Variants in LRIG2 observed in about 807,000 individuals in gnomAD.
The protein encoded by LRIG2 is leucine rich repeats and immunoglobulin like domains 2.
LRIG2 carries 93 observed loss-of-function variants against 107.8 expected under a neutral mutation model. The observed-to-expected ratio is 0.86, with a 90% CI of 0.73 to 1.03. The LOEUF is 1.03. LRIG2 is among the 50% of genes least tolerant of loss of function. LRIG2 has a pLI of 0.00. For synonymous variants in LRIG2, 471 were observed against 470.6 expected (o/e 1.00, Z -0.01); for missense variants, 1,226 against 1,296.0 (o/e 0.95, Z 0.83).
intron 12 of LRIG2, 194 bp downstream of exon 12, chr1:113,107,951 G>A: frequency 1.9e-6 from 1 of 540,358 alleles, no homozygotes; most frequent in Non-Finnish European, 3.2e-6. Flanking sequence ...CTTAGGTTAG[G>A]TATTTGGTAG....
At chr1:113,117,475 G>T (rs12141890) in intron 16 of LRIG2, among the ~76,000 whole-genome samples, 17,391 of 152,060 alleles carry the variant, frequency 0.11, 1,105 homozygotes, top group Admixed American at 0.17. Context: ...GAAAAATATA[G>T]TAGTTCTGAC....
rs746409805 is a variant in LRIG2 at position 113,116,296 on chromosome 1, A to G, written c.2540A>G (p.Asn847Ser). ...AATGTCTCTTTTACAGAGGAGCTCAATCTGCCTGCAGACATTCCCAGCTAC... is the reference window on the plus strand; with the variant it reads ...AATGTCTCTTTTACAGAGGAGCTCAGTCTGCCTGCAGACATTCCCAGCTAC... ...DYSITNTEEL[N>S]LPADIPSYLS... Residue 847 changes from asparagine to serine, a missense_variant, in exon 16 of 18, where the codon AAT becomes AGT. Transcript: ENST00000361127. The G allele has an allele frequency of 5.6e-6, 9 of 1,612,532 alleles. No individual in the cohort carries two copies. Among genetic ancestry groups the G allele is most frequent in the African/African-American group, 5.3e-5 (4 of 74,902 alleles).
chr1:113,114,436 C>T lies in LRIG2; in HGVS notation c.2090C>T (p.Ser697Leu), dbSNP rs911410726. Reference protein sequence around the residue: ...NASLTVLETPSFIRPLEDKTV... With the variant: ...NASLTVLETPLFIRPLEDKTV... Reference sequence around the variant, plus strand: ...AATGTTTTCCTGTTAGAGACACCCTCATTTATTAGACCCCTGGAGGATAAG... The same window carrying T: ...AATGTTTTCCTGTTAGAGACACCCTTATTTATTAGACCCCTGGAGGATAAG... The change falls in exon 15 of 18, where the codon TCA (serine) becomes TTA (leucine). Residue 697 changes from serine (S) to leucine (L), a missense_variant. By Grantham distance (145) the Ser-to-Leu change is moderately radical. Transcript: ENST00000361127. The T allele has an allele frequency of 6.4e-7, 1 of 1,574,162 alleles. No homozygotes were observed. Among genetic ancestry groups the T allele is most frequent in the East Asian group, 2.3e-5 (1 of 44,426 alleles).
intron 1 of LRIG2, among the ~76,000 whole-genome samples, chr1:113,080,765 A>G (rs531979209): frequency 3.3e-5 from 5 of 151,750 alleles, no homozygotes; most frequent in African/African-American, 7.3e-5. Flanking sequence ...GAATCAGGGC[A>G]TTATCTTAGC....
chr1:113,075,136 C>T lies in LRIG2; in HGVS notation c.239+1491C>T, dbSNP rs564702662. Among the ~76,000 whole-genome samples the T allele has an allele frequency of 3.3e-5, 5 of 151,836 alleles. No individual in the cohort carries two copies. In the South Asian group the frequency reaches 8.3e-4, roughly 25 times the overall value. On this transcript the variant is annotated intron_variant, in intron 1 of 17. Transcript: ENST00000361127. ...CTGAGGCAGGAGAATCACTTGAACC[C>T]GGGAGGGCGAGGTTGGAGTGAGCCG... is the stretch of plus-strand genomic sequence containing the variant.
intron 13 of LRIG2, 42 bp from the exon 14 acceptor site, chr1:113,112,437 G>A: frequency 1.3e-6 from 2 of 1,572,054 alleles, no homozygotes; most frequent in Non-Finnish European, 1.7e-6. Flanking sequence ...ATGTGTCTTT[G>A]TTCCCTTGCC....
At chr1:113,082,115 A>T (rs1375237925) in intron 1 of LRIG2, among the ~76,000 whole-genome samples, 2 of 152,212 alleles carry the variant, frequency 1.3e-5, no homozygotes, top group African/African-American at 4.8e-5. Flanking sequence ...GAACTGTTTC[A>T]CTTGCAACAG....
chr1:113,123,881 T>G lies in LRIG2; in HGVS notation c.2978T>G (p.Leu993Trp). The G allele has an allele frequency of 6.2e-7, 1 of 1,613,910 alleles. No homozygotes were observed. The highest frequency in any genetic ancestry group is 2.2e-5 in the East Asian group (1 of 44,884). ...LPSTQMSGET[L>W]QRPVWNINRE... is the part of the protein sequence containing the mutation. ...TCTTGTCTTTCATTCTCAGAAACAT[T>G]GCAGCGGCCCGTGTGGAACATAAAC... is the stretch of plus-strand genomic sequence containing the variant. The change falls in exon 18 of 18, where the codon TTG (leucine) becomes TGG (tryptophan). Residue 993 changes from leucine to tryptophan, a missense_variant. By Grantham distance (61) the Leu-to-Trp change is moderately conservative (BLOSUM62 -2). This residue lies in a region of LRIG2 where 642 missense variants were observed against 712.2 expected (regional missense o/e 0.90). Coordinates refer to ENST00000361127, the MANE Select transcript of LRIG2 (RefSeq NM_014813.3).
chr1:113,078,522 A>G (rs1653098081), intron 1 of LRIG2, among the ~76,000 whole-genome samples: 1 of 151,954 alleles, frequency 6.6e-6, no homozygotes, highest in East Asian at 1.9e-4. Flanking sequence ...TGATCCCTTA[A>G]AAGAGTATGA....
At position 113,093,283 on chromosome 1, in the gene LRIG2, AAGTT is replaced by A. The variant is rs775115460; in HGVS notation, c.380+7_380+10del. On this transcript the variant is annotated splice_donor_5th_base_variant and intron_variant, in intron 3 of 17. Coordinates refer to ENST00000361127, the MANE Select transcript of LRIG2 (RefSeq NM_014813.3). ...TCTAATATTACTCTACTTTCATTGT[AAGTT>A]AGTAAGTTTTCAGGTTTTTTACTTA... The A allele has an allele frequency of 1.7e-5, 27 of 1,575,482 alleles. No homozygotes were observed. In the African/African-American group the frequency reaches 2.6e-4, roughly 15 times the overall value.
At position 113,124,115 on chromosome 1, in the gene LRIG2, A is replaced by T; in HGVS notation, c.*14A>T. ...GAGGGCACATGAAACTCACTTCAGG[A>T]TGAAATCTGGGCAGAGACTTATTAA... On this transcript the variant is annotated 3_prime_UTR_variant, in exon 18 of 18. Coordinates refer to ENST00000361127, the MANE Select transcript of LRIG2 (RefSeq NM_014813.3). The T allele has an allele frequency of 6.2e-7, 1 of 1,608,332 alleles. No homozygotes were observed. The highest frequency in any genetic ancestry group is 8.5e-7 in the Non-Finnish European group (1 of 1,174,782).
At chr1:113,080,095 A>T (rs987846085) in intron 1 of LRIG2, among the ~76,000 whole-genome samples, 10 of 135,032 alleles carry the variant, frequency 7.4e-5, no homozygotes, top group African/African-American at 2.9e-4. Context: ...ATCTCGGCTC[A>T]CTGCAACCTC....
Position 113,124,457 on chromosome 1 carries a change from C to T in LRIG2, c.*356C>T. 3.7e-6 allele frequency: 1 copy of T among 267,444 alleles called. No individual in the cohort carries two copies. Among genetic ancestry groups the T allele is most frequent in the Non-Finnish European group, 7.3e-6 (1 of 137,846 alleles). The allele number at this position is 267,444 out of a possible 1,614,324, so 16.6% of individuals were successfully genotyped here. A position where few individuals can be genotyped will look rare whatever the true frequency, so the allele number is the denominator to read the frequency against. On this transcript the variant is annotated 3_prime_UTR_variant, in exon 18 of 18. Transcript: ENST00000361127. ...GATTGCCCTAGTCTTCAGAATGGTC[C>T]TGAGAAAACATCACTACTTCGATGT...
chr1:113,094,781 T>G, intron 6 of LRIG2, 26 bp downstream of exon 6: 1 of 1,602,630 alleles, frequency 6.2e-7, no homozygotes. Flanking sequence ...TAGAGGTGAT[T>G]ATTAGGAAAG....
At chr1:113,079,739 T>C (rs1174004332) in intron 1 of LRIG2, among the ~76,000 whole-genome samples, 1 of 143,256 alleles carries the variant, frequency 7.0e-6, no homozygotes, top group African/African-American at 2.6e-5. Flanking sequence ...TCAGGAGAAA[T>C]CTTTTTTTTT....
At chr1:113,090,707 G>A (rs766650364) in intron 1 of LRIG2, among the ~76,000 whole-genome samples, 46 of 151,394 alleles carry the variant, frequency 3.0e-4, no homozygotes, top group Middle Eastern at 3.4e-3. Flanking sequence ...GCGTGGTGGC[G>A]GGCGCCTGTA....
Position 113,114,511 on chromosome 1 carries a change from G to A in LRIG2, c.2165G>A (p.Ser722Asn). ...GTGTTACAGTGCATAGCTGGAGGGA[G>A]TCCTGCCCCTCGTCTCAACTGGACT... is the stretch of plus-strand genomic sequence containing the variant. The part of the protein sequence containing the change: ...TAVLQCIAGG[S>N]PAPRLNWTKD... Residue 722 changes from serine (S) to asparagine (N), a missense_variant, in exon 15 of 18, where the codon AGT (serine) becomes AAT (asparagine). Ser to Asn is a conservative substitution (Grantham distance 46). This residue lies in a region of LRIG2 where 642 missense variants were observed against 712.2 expected (regional missense o/e 0.90). Transcript: ENST00000361127. 1 of 1,613,980 alleles carries A rather than the reference G, an allele frequency of 6.2e-7. No homozygotes were observed. The highest frequency in any genetic ancestry group is 1.1e-5 in the South Asian group (1 of 91,074).
At chr1:113,095,489 A>G (rs536134556) in intron 6 of LRIG2, among the ~76,000 whole-genome samples, 40 of 150,562 alleles carry the variant, frequency 2.7e-4, no homozygotes, top group Non-Finnish European at 5.2e-4. Context: ...GCTCACTGCA[A>G]CCTCTGCCTC....
chr1:113,124,054 G>C lies in LRIG2; in HGVS notation c.3151G>C (p.Asp1051His). 6.2e-7 allele frequency: 1 copy of C among 1,614,128 alleles called. No homozygotes were observed. Among genetic ancestry groups the C allele is most frequent in the Admixed American group, 1.7e-5 (1 of 60,016 alleles). Residue 1051 changes from aspartate (D) to histidine (H), a missense_variant, in exon 18 of 18, where the codon GAT becomes CAT. Asp to His is a moderately conservative substitution (Grantham distance 81, BLOSUM62 -1). Transcript: ENST00000361127. ...CCACAGGTTACAGGATCATGCTTTTGATTTTAGTAGGACTCGGAACATTCA... is the reference window on the plus strand; with the variant it reads ...CCACAGGTTACAGGATCATGCTTTTCATTTTAGTAGGACTCGGAACATTCA... ...SCHRLQDHAF[D>H]FSRTRNIQDG... is the part of the protein sequence containing the mutation.
Sources: allele counts gnomAD v4.1 joint callset (sites outside exome capture counted in the v4.1 genomes callset), GRCh38; gene constraint gnomAD v4.1.1; regional missense constraint gnomAD v4.1.1; transcripts MANE v1.5; gene names NCBI Gene and HGNC (gene_info 2026-07-23, HGNC 2026-07-21).